ADARB2: variants seen among roughly 807,000 people sequenced by gnomAD.
ADARB2 encodes inactive double-stranded RNA-specific editase B2.
In ADARB2, 25 loss-of-function variants were observed where a neutral mutation model predicts 62.2. The ratio of observed to expected loss-of-function variants is 0.40; its 90% CI spans 0.29 to 0.56. ADARB2 has a LOEUF of 0.56. Among genes scored for constraint, ADARB2 ranks in the 20% least tolerant of loss-of-function variants. The pLI is 0.43. For synonymous variants in ADARB2, 572 were observed against 500.8 expected (o/e 1.14, Z -1.90); for missense variants, 1,071 against 1,077.4 (o/e 0.99, Z 0.08).
intron 3 of ADARB2, among the ~76,000 whole-genome samples, chr10:1,320,629 T>C (rs1351498420): frequency 1.3e-5 from 2 of 152,316 alleles, no homozygotes; most frequent in African/African-American, 4.8e-5. Context: ...CAATGAATTA[T>C]TTGGTAGCTT....
chr10:1,728,098 C>G (rs576983554), intron 1 of ADARB2, among the ~76,000 whole-genome samples: 2 of 152,334 alleles, frequency 1.3e-5, no homozygotes, highest in South Asian at 4.1e-4. Flanking sequence ...TTCTTTGTCT[C>G]TCTTTCCATT....
intron 1 of ADARB2, among the ~76,000 whole-genome samples, chr10:1,550,093 C>T (rs972079183): frequency 1.3e-5 from 2 of 152,164 alleles, no homozygotes; most frequent in African/African-American, 2.4e-5. Flanking sequence ...GAGATTTTTC[C>T]CTCTTTCCAA....
At position 1,379,169 on chromosome 10, in the gene ADARB2, A is replaced by T; in HGVS notation, c.101-9T>A. 6.2e-7 allele frequency: 1 copy of T among 1,602,800 alleles called. No homozygotes were observed. Among genetic ancestry groups the T allele is most frequent in the Middle Eastern group, 1.7e-4 (1 of 6,044 alleles). On this transcript the variant is annotated splice_polypyrimidine_tract_variant and intron_variant, in intron 1 of 9. Coordinates refer to ENST00000381312, the MANE Select transcript of ADARB2 (RefSeq NM_018702.4). ...CAATATGCTTACTTTATCTGGAAAG[A>T]AAAGAACAGGAAATGCACTTTTGAC...
intron 3 of ADARB2, among the ~76,000 whole-genome samples, chr10:1,328,081 C>T (rs1204337264): frequency 1.7e-5 from 2 of 115,522 alleles, no homozygotes; most frequent in African/African-American, 3.2e-5. Context: ...TACAGTAACC[C>T]AGTCGGGAAA....
intron 1 of ADARB2, among the ~76,000 whole-genome samples, chr10:1,518,150 G>T (rs1353642898): frequency 1.3e-5 from 2 of 152,204 alleles, no homozygotes; most frequent in African/African-American, 4.8e-5. Context: ...CAGCGAGAGC[G>T]ATGGATCCGA....
chr10:1,312,048 G>A (rs577971679), intron 3 of ADARB2, among the ~76,000 whole-genome samples: 10 of 152,300 alleles, frequency 6.6e-5, no homozygotes, highest in South Asian at 2.1e-4. Context: ...AGCATCTGTC[G>A]CTCAAATAAA....
Position 1,327,170 on chromosome 10 carries a change from C to T in ADARB2, c.1077+35858G>A, listed in dbSNP as rs187574750. On this transcript the variant is annotated intron_variant, in intron 3 of 9. Transcript: ENST00000381312. ...CACAGTGCCTCGTCACAGTTTAGTG[C>T]CTGCCCACAGTTCAGCGCCTCCCCA... Among the ~76,000 whole-genome samples, 235 of 102,464 alleles carry T rather than the reference C, an allele frequency of 2.3e-3. 68 individuals carry two copies. Among genetic ancestry groups the T allele is most frequent in the South Asian group, 6.8e-3 (21 of 3,096 alleles). 67.2% of individuals were successfully genotyped at this position (102,464 alleles called of 152,430 possible).
intron 1 of ADARB2, among the ~76,000 whole-genome samples, chr10:1,600,837 C>G (rs1833402985): frequency 6.6e-6 from 1 of 152,070 alleles, no homozygotes; most frequent in East Asian, 1.9e-4. Flanking sequence ...CTCTGAGGCC[C>G]CTGTTCCATG....
At chr10:1,263,296 A>T (rs927240000) in intron 4 of ADARB2, among the ~76,000 whole-genome samples, 4 of 152,194 alleles carry the variant, frequency 2.6e-5, no homozygotes, top group Admixed American at 6.5e-5. Context: ...GTAATAATAA[A>T]GAATATTTTA....
intron 1 of ADARB2, among the ~76,000 whole-genome samples, chr10:1,399,651 C>A (rs894701703): frequency 3.9e-5 from 6 of 152,152 alleles, no homozygotes; most frequent in Admixed American, 3.9e-4. Flanking sequence ...GATGATCACG[C>A]CCTGAGACGC....
At chr10:1,663,498 C>T (rs370990310) in intron 1 of ADARB2, among the ~76,000 whole-genome samples, 3 of 152,138 alleles carry the variant, frequency 2.0e-5, no homozygotes, top group Non-Finnish European at 2.9e-5. Context: ...CGCGTAGTTT[C>T]GCTCTTTTCA....
chr10:1,499,039 C>G (rs1382916185), intron 1 of ADARB2, among the ~76,000 whole-genome samples: 1 of 149,886 alleles, frequency 6.7e-6, no homozygotes, highest in Non-Finnish European at 1.5e-5. Flanking sequence ...ACTCATCATT[C>G]ACTCATTACT....
intron 6 of ADARB2, among the ~76,000 whole-genome samples, chr10:1,226,701 T>C (rs1485475891): frequency 6.6e-6 from 1 of 152,268 alleles, no homozygotes; most frequent in Non-Finnish European, 1.5e-5. Flanking sequence ...CCTGGGTATC[T>C]GCAGCGGTGG....
At chr10:1,446,633 A>G (rs1830974610) in intron 1 of ADARB2, among the ~76,000 whole-genome samples, 1 of 152,200 alleles carries the variant, frequency 6.6e-6, no homozygotes, top group Non-Finnish European at 1.5e-5. Context: ...TTTGTCAGTG[A>G]ATAGCTGTGC....
chr10:1,240,206 CCCTCCCGGTGTTTACTCCCCTCTG>C (rs1554747399), intron 5 of ADARB2, among the ~76,000 whole-genome samples: 7 of 26,186 alleles, frequency 2.7e-4, no homozygotes, highest in Non-Finnish European at 3.5e-4. Flanking sequence ...ACTCCCCCCT[CCCTCCCGGTGTTTACTCCCCTCTG>C]CCTCCCGGTG....
At chr10:1,268,790 C>T (rs1831231731) in intron 4 of ADARB2, among the ~76,000 whole-genome samples, 1 of 152,182 alleles carries the variant, frequency 6.6e-6, no homozygotes. Flanking sequence ...TGAAGCTCTA[C>T]CTTATGAAGT....
chr10:1,240,560 C>G (rs376956313), intron 5 of ADARB2: 1 of 152,554 alleles, frequency 6.6e-6, no homozygotes, highest in African/African-American at 2.4e-5. Flanking sequence ...CCACCATCCC[C>G]CACTGCCCCG....
intron 1 of ADARB2, among the ~76,000 whole-genome samples, chr10:1,707,431 C>T (rs563174644): frequency 1.3e-5 from 2 of 152,348 alleles, no homozygotes; most frequent in Admixed American, 1.3e-4. Flanking sequence ...CGTCTTTGGC[C>T]AGTGGTCTTC....
In ADARB2 at chr10:1,203,666, G is replaced by A. The variant is rs543190980; in HGVS notation, c.1683-3519C>T. 4.6e-5 allele frequency among the ~76,000 whole-genome samples: 7 copies of A among 151,864 alleles called. No homozygotes were observed. In the East Asian group the frequency reaches 1.2e-3, roughly 25 times the overall value. On this transcript the variant is annotated intron_variant, in intron 7 of 9. Transcript: ENST00000381312. Reference sequence around the variant, plus strand: ...TGCGGCCATCAGCTTTCTCGGTGCCGCCCACGTGATTCTCCTGTGAGCCAG... The same window carrying A: ...TGCGGCCATCAGCTTTCTCGGTGCCACCCACGTGATTCTCCTGTGAGCCAG...
Sources: allele counts gnomAD v4.1 joint callset (sites outside exome capture counted in the v4.1 genomes callset), GRCh38; gene constraint gnomAD v4.1.1; transcripts MANE v1.5; gene names NCBI Gene and HGNC (gene_info 2026-07-23, HGNC 2026-07-21).